Variants in ATP13A4 observed in about 807,000 individuals in gnomAD.
ATP13A4 encodes probable cation-transporting ATPase 13A4.
A neutral mutation model predicts 142.5 loss-of-function variants in ATP13A4; 114 were observed. That is an observed-to-expected ratio of 0.80 (90% confidence interval 0.69 to 0.93). The LOEUF is 0.93. ATP13A4 is among the 40% of genes least tolerant of loss of function. The pLI, the probability that ATP13A4 is intolerant of heterozygous loss-of-function variation, is 0.00. For synonymous variants in ATP13A4, 488 were observed against 514.8 expected (o/e 0.95, Z 0.70); for missense variants, 1,392 against 1,454.0 (o/e 0.96, Z 0.69).
chr3:193,588,649 G>T (rs1345903034), intron 1 of ATP13A4, among the ~76,000 whole-genome samples: 1 of 151,942 alleles, frequency 6.6e-6, no homozygotes, highest in Non-Finnish European at 1.5e-5. Flanking sequence ...ATCCTTTTCT[G>T]TTTCTCCAGG....
intron 2 of ATP13A4, among the ~76,000 whole-genome samples, chr3:193,570,485 A>G (rs575314290): frequency 1.3e-5 from 2 of 152,350 alleles, no homozygotes; most frequent in East Asian, 3.9e-4. Flanking sequence ...ATTATATACT[A>G]GCAAAATCTC....
At chr3:193,407,512 G>A in intron 28 of ATP13A4, 119 bp from the exon 29 acceptor site, 3 of 703,430 alleles carry the variant, frequency 4.3e-6, no homozygotes, top group Non-Finnish European at 7.5e-6. Flanking sequence ...ATATATGTGT[G>A]TATATTACAT....
At chr3:193,436,559 C>T (rs973760193) in intron 23 of ATP13A4, among the ~76,000 whole-genome samples, 13 of 151,894 alleles carry the variant, frequency 8.6e-5, no homozygotes, top group Non-Finnish European at 1.5e-4. Context: ...GTGATTCGCC[C>T]GCCTCAGCCT....
At chr3:193,418,088 C>G (rs1276107976) in intron 25 of ATP13A4, among the ~76,000 whole-genome samples, 14 of 113,506 alleles carry the variant, frequency 1.2e-4, no homozygotes, top group Non-Finnish European at 2.0e-4. Context: ...CGCCACTGCA[C>G]TCCAGCCTGG....
rs181618886 is a variant in ATP13A4 at position 193,421,044 on chromosome 3, C to T, written c.2843-6294G>A. On this transcript the variant is annotated intron_variant, in intron 25 of 29. Coordinates refer to ENST00000342695, the MANE Select transcript of ATP13A4 (RefSeq NM_032279.4). ...AACCTTCTAAGTCCTACAAGAAATACGAAAATCCAGATATATGAATTTCAG... is the reference window on the plus strand; with the variant it reads ...AACCTTCTAAGTCCTACAAGAAATATGAAAATCCAGATATATGAATTTCAG... Among the ~76,000 whole-genome samples, 373 of 149,744 alleles carry T rather than the reference C, an allele frequency of 2.5e-3. 18 individuals carry two copies. The highest frequency in any genetic ancestry group is 5.2e-3 in the African/African-American group (212 of 40,820).
chr3:193,551,817 C>T (rs1383623428), intron 1 of ATP13A4, among the ~76,000 whole-genome samples: 1 of 152,204 alleles, frequency 6.6e-6, no homozygotes, highest in Non-Finnish European at 1.5e-5. Context: ...CGCTGAAGGC[C>T]ACTTTCTCAC....
At chr3:193,551,492 T>C (rs1214542020) in intron 1 of ATP13A4, among the ~76,000 whole-genome samples, 1 of 152,226 alleles carries the variant, frequency 6.6e-6, no homozygotes, top group African/African-American at 2.4e-5. Context: ...TGGGATAGTA[T>C]TTACTCAATT....
chr3:193,446,808 C>T (rs868704266), intron 18 of ATP13A4, among the ~76,000 whole-genome samples: 1 of 152,044 alleles, frequency 6.6e-6, no homozygotes, highest in East Asian at 1.9e-4. Flanking sequence ...AGTTTATGTG[C>T]AGAAAAGAGT....
At chr3:193,541,831 G>C (rs1477431355) in intron 1 of ATP13A4, among the ~76,000 whole-genome samples, 4 of 152,180 alleles carry the variant, frequency 2.6e-5, no homozygotes, top group Non-Finnish European at 4.4e-5. Context: ...CCAGTGAGAA[G>C]AAAGAGTATT....
At chr3:193,436,876 G>C (rs181355400) in intron 23 of ATP13A4, among the ~76,000 whole-genome samples, 1 of 149,424 alleles carries the variant, frequency 6.7e-6, no homozygotes, top group African/African-American at 2.5e-5. Context: ...AGGCCGAGGC[G>C]GGCGGATCAC....
rs1489934 is a variant in ATP13A4, at chr3:193,470,367, G to A, written c.943+492C>T. 1.5e-3 allele frequency among the ~76,000 whole-genome samples: 234 copies of A among 152,262 alleles called. 4 individuals are homozygous for A. In the South Asian group the frequency reaches 0.019, roughly 12 times the overall value. On this transcript the variant is annotated intron_variant, in intron 9 of 29. Coordinates refer to ENST00000342695, the MANE Select transcript of ATP13A4 (RefSeq NM_032279.4). ...AACACCCAGTTTTGGACTGGAAGCA[G>A]CAGCTTTACCAAATGCTGCATCATG...
At chr3:193,540,005 A>G (rs1357942996) in intron 1 of ATP13A4, among the ~76,000 whole-genome samples, 1 of 152,152 alleles carries the variant, frequency 6.6e-6, no homozygotes. Flanking sequence ...GTATCTCCCC[A>G]TAAGGTTGAA....
At chr3:193,568,566 T>C (rs1348013936) in intron 2 of ATP13A4, among the ~76,000 whole-genome samples, 3 of 152,182 alleles carry the variant, frequency 2.0e-5, no homozygotes, top group Non-Finnish European at 4.4e-5. Flanking sequence ...TTAAGGACTG[T>C]TGAAAGAATA....
chr3:193,419,523 G>A (rs1560174813), intron 25 of ATP13A4, among the ~76,000 whole-genome samples: 1 of 149,026 alleles, frequency 6.7e-6, no homozygotes, highest in Non-Finnish European at 1.5e-5. Flanking sequence ...CCAGGAACTG[G>A]TGTGTTGGCC....
intron 1 of ATP13A4, among the ~76,000 whole-genome samples, chr3:193,536,176 C>T (rs991443923): frequency 6.6e-6 from 1 of 151,882 alleles, no homozygotes; most frequent in African/African-American, 2.4e-5. Flanking sequence ...AAGACAAAGA[C>T]AGTAAAAAAA....
At chr3:193,435,971 T>C (rs1716243493) in intron 23 of ATP13A4, among the ~76,000 whole-genome samples, 1 of 152,226 alleles carries the variant, frequency 6.6e-6, no homozygotes, top group Non-Finnish European at 1.5e-5. Flanking sequence ...GGCCTTGATC[T>C]GGTGATGGAG....
intron 17 of ATP13A4, among the ~76,000 whole-genome samples, chr3:193,450,416 T>C (rs1403605789): frequency 6.6e-6 from 1 of 152,206 alleles, no homozygotes; most frequent in African/African-American, 2.4e-5. Context: ...GAAATTTTAC[T>C]GAGTTCAAGG....
At chr3:193,418,071 G>A (rs1346516491) in intron 25 of ATP13A4, among the ~76,000 whole-genome samples, 9 of 115,702 alleles carry the variant, frequency 7.8e-5, no homozygotes, top group African/African-American at 3.1e-4. Context: ...GCAGTGAGCC[G>A]AGATCCCGCC....
At chr3:193,540,768 C>T (rs546770026) in intron 1 of ATP13A4, among the ~76,000 whole-genome samples, 3 of 150,876 alleles carry the variant, frequency 2.0e-5, no homozygotes, top group South Asian at 4.2e-4. Flanking sequence ...TAAAATCATG[C>T]AGTATGATGT....
Sources: allele counts gnomAD v4.1 joint callset (sites outside exome capture counted in the v4.1 genomes callset), GRCh38; gene constraint gnomAD v4.1.1; transcripts MANE v1.5; gene names NCBI Gene and HGNC (gene_info 2026-07-23, HGNC 2026-07-21).